The following CCSER1 variants were observed in gnomAD, a reference collection of about 807,000 sequenced individuals.
CCSER1 encodes the protein serine-rich coiled-coil domain-containing protein 1.
Under a neutral mutation model 82.0 loss-of-function variants are expected in CCSER1, and 41 were observed. The ratio of observed to expected loss-of-function variants is 0.50; its 90% confidence interval spans 0.39 to 0.65. CCSER1 has a LOEUF of 0.65. Ranked by LOEUF, CCSER1 falls within the 30% of genes least tolerant of loss-of-function variation. The pLI is 0.00. For synonymous variants in CCSER1, 414 were observed against 383.9 expected (o/e 1.08, Z -0.92); for missense variants, 1,119 against 1,064.2 (o/e 1.05, Z -0.72).
intron 4 of CCSER1, among the ~76,000 whole-genome samples, chr4:90,451,580 C>T (rs541420004): frequency 4.2e-4 from 64 of 152,322 alleles, no homozygotes; most frequent in Non-Finnish European, 8.7e-4. Flanking sequence ...AGCTGGAACC[C>T]AGCTGGAAGC....
chr4:90,780,672 C>G, intron 7 of CCSER1: 1 of 1,344,956 alleles, frequency 7.4e-7, no homozygotes. Context: ...TAATAATGAA[C>G]TAAGGAGGCT....
chr4:91,503,985 T>A (rs573857210), intron 10 of CCSER1, among the ~76,000 whole-genome samples: 4 of 152,326 alleles, frequency 2.6e-5, no homozygotes, highest in Admixed American at 1.3e-4. Context: ...GATTCTTATA[T>A]TCTTTTATTA....
At chr4:91,546,396 T>C (rs1245486172) in intron 10 of CCSER1, among the ~76,000 whole-genome samples, 1 of 152,150 alleles carries the variant, frequency 6.6e-6, no homozygotes, top group Non-Finnish European at 1.5e-5. Flanking sequence ...TGTCTTTTTT[T>C]GGAATTTTAT....
intron 9 of CCSER1, among the ~76,000 whole-genome samples, chr4:91,036,496 A>G (rs1741444531): frequency 6.6e-6 from 1 of 152,096 alleles, no homozygotes; most frequent in Admixed American, 6.6e-5. Context: ...AAATCAGAAT[A>G]TTGTACATTT....
chr4:90,954,382 A>T (rs1414527015), intron 9 of CCSER1, among the ~76,000 whole-genome samples: 1 of 152,066 alleles, frequency 6.6e-6, no homozygotes, highest in Admixed American at 6.6e-5. Flanking sequence ...CCAATTAGTT[A>T]GCCAATTTTA....
intron 1 of CCSER1, among the ~76,000 whole-genome samples, chr4:90,190,918 A>G (rs570388869): frequency 6.6e-6 from 1 of 152,266 alleles, no homozygotes; most frequent in African/African-American, 2.4e-5. Context: ...AAATATTACC[A>G]GAAATATAAA....
intron 8 of CCSER1, among the ~76,000 whole-genome samples, chr4:90,886,005 C>A (rs1205347634): frequency 1.3e-5 from 2 of 152,090 alleles, no homozygotes; most frequent in Admixed American, 6.5e-5. Flanking sequence ...TCACCTCCTG[C>A]CCCCAAGAGC....
chr4:90,577,878 T>C (rs1280792964), intron 5 of CCSER1, among the ~76,000 whole-genome samples: 1 of 152,136 alleles, frequency 6.6e-6, no homozygotes, highest in African/African-American at 2.4e-5. Context: ...CATATAATGA[T>C]CTACCAGTTG....
chr4:90,908,437 G>A (rs1033255565), intron 8 of CCSER1, among the ~76,000 whole-genome samples: 2 of 152,000 alleles, frequency 1.3e-5, no homozygotes, highest in Non-Finnish European at 2.9e-5. Context: ...ATAAGGCAGG[G>A]GCTGGCTGTA....
intron 10 of CCSER1, among the ~76,000 whole-genome samples, chr4:91,374,290 A>G (rs1046186641): frequency 3.9e-5 from 6 of 152,228 alleles, no homozygotes; most frequent in Non-Finnish European, 7.3e-5. Flanking sequence ...GGAGAAATCA[A>G]TGCCTGGCTC....
In CCSER1 at chr4:91,010,428, T is replaced by A. The variant is rs1235398729; in HGVS notation, c.2173-75522T>A. Among the ~76,000 whole-genome samples, 4 of 82,530 alleles carry A rather than the reference T, an allele frequency of 4.8e-5. 2 individuals are homozygous for A. Among genetic ancestry groups the A allele is most frequent in the Non-Finnish European group, 1.4e-4 (4 of 27,796 alleles). 54.1% of individuals were successfully genotyped at this position (82,530 alleles called of 152,430 possible). On this transcript the variant is annotated intron_variant, in intron 9 of 10. Coordinates refer to ENST00000509176, the MANE Select transcript of CCSER1 (RefSeq NM_001145065.2). ...TTGAATCTGTTTGGCAACTTTTGTGTTTCATGTATCTGGAAATCCATATCT... is the reference window on the plus strand; with the variant it reads ...TTGAATCTGTTTGGCAACTTTTGTGATTCATGTATCTGGAAATCCATATCT...
chr4:91,082,293 A>G (rs1581507940), intron 9 of CCSER1, among the ~76,000 whole-genome samples: 1 of 152,356 alleles, frequency 6.6e-6, no homozygotes, highest in East Asian at 1.9e-4. Flanking sequence ...AAACCTGACA[A>G]AAACAAGAAA....
At chr4:91,221,564 A>C (rs888768213) in intron 10 of CCSER1, among the ~76,000 whole-genome samples, 2 of 79,512 alleles carry the variant, frequency 2.5e-5, no homozygotes, top group Non-Finnish European at 4.6e-5. Flanking sequence ...ATAGGCATGG[A>C]TTGGAAAATA....
intron 10 of CCSER1, among the ~76,000 whole-genome samples, chr4:91,350,548 G>A (rs1301378079): frequency 1.3e-5 from 2 of 152,048 alleles, no homozygotes; most frequent in Non-Finnish European, 2.9e-5. Context: ...GGAAAATGAT[G>A]TATAGATGGC....
intron 6 of CCSER1, among the ~76,000 whole-genome samples, chr4:90,648,563 T>A (rs1371578349): frequency 1.7e-5 from 1 of 57,552 alleles, no homozygotes; most frequent in Admixed American, 1.6e-4. Context: ...TAAGGTTAAA[T>A]GAGGTTATAA....
At chr4:91,579,021 C>A (rs940334768) in intron 10 of CCSER1, among the ~76,000 whole-genome samples, 1 of 151,704 alleles carries the variant, frequency 6.6e-6, no homozygotes, top group Non-Finnish European at 1.5e-5. Context: ...AAAATGTTTC[C>A]TGCAGCCCGG....
At chr4:90,487,865 C>T (rs1335471426) in intron 5 of CCSER1, among the ~76,000 whole-genome samples, 1 of 152,140 alleles carries the variant, frequency 6.6e-6, no homozygotes, top group African/African-American at 2.4e-5. Flanking sequence ...TGTTCTCCAT[C>T]TCTTGACCTA....
chr4:90,704,647 A>G (rs1223003389), intron 6 of CCSER1, among the ~76,000 whole-genome samples: 1 of 152,098 alleles, frequency 6.6e-6, no homozygotes, highest in Non-Finnish European at 1.5e-5. Flanking sequence ...ACATAGTCCC[A>G]TATTTCTTGG....
chr4:90,418,449 T>C (rs906776088), intron 4 of CCSER1, among the ~76,000 whole-genome samples: 2 of 151,982 alleles, frequency 1.3e-5, no homozygotes, highest in Non-Finnish European at 1.5e-5. Context: ...ATTTCTAAGC[T>C]TATAAAATTA....
Sources: gnomAD v4.1 joint callset for allele counts (sites outside exome capture counted in the v4.1 genomes callset) on GRCh38, gnomAD v4.1.1 for gene constraint, MANE v1.5 for transcripts, NCBI Gene and HGNC (gene_info 2026-07-23, HGNC 2026-07-21) for gene names.